The following ADGRV1 variants were observed in gnomAD, a reference collection of about 807,000 sequenced individuals.
The protein encoded by ADGRV1 is G-protein coupled receptor 98.
ADGRV1 carries 359 observed loss-of-function variants against 596.2 expected under a neutral mutation model. That is an observed-to-expected ratio of 0.60 (90% CI 0.55 to 0.66). The LOEUF is 0.66. Among genes scored for constraint, ADGRV1 ranks in the 30% least tolerant of loss-of-function variants. ADGRV1 has a pLI of 0.00. For missense variants in ADGRV1, 7,274 were observed against 7,575.6 expected, an observed-to-expected ratio of 0.96 and a Z score of 1.48; for synonymous variants, 2,681 against 2,679.2, an observed-to-expected ratio of 1.00 and a Z score of -0.02.
rs572925659 is a variant in ADGRV1, at chr5:90,725,838, A to G, written c.10161+182A>G. On this transcript the variant is annotated intron_variant, in intron 48 of 89. Coordinates refer to ENST00000405460, the MANE Select transcript of ADGRV1 (RefSeq NM_032119.4). ...AATTTTTAAATACCAGAGTCATAAA[A>G]TGTTATATTATCTTCAAGAGCCAAG... Among the ~76,000 whole-genome samples the G allele has an allele frequency of 1.5e-4, 23 of 152,318 alleles. 2 individuals carry two copies. In the South Asian group the frequency reaches 4.8e-3, roughly 32 times the overall value.
At chr5:90,990,293 C>G (rs1441038715) in intron 85 of ADGRV1, among the ~76,000 whole-genome samples, 1 of 152,150 alleles carries the variant, frequency 6.6e-6, no homozygotes, top group Non-Finnish European at 1.5e-5. Flanking sequence ...TTGGTAGACT[C>G]ACAACCCTTC....
rs1385324866 is a variant in ADGRV1, at chr5:90,700,062, TA to T, written c.8155+2917del. ...CTAAGCCTTTTCCTAGATTATAAAT[TA>T]TTTTTTTCAAAAACATATTAAGCCA... On this transcript the variant is annotated intron_variant, in intron 34 of 89. Transcript: ENST00000405460. Among the ~76,000 whole-genome samples the T allele has an allele frequency of 3.3e-5, 5 of 152,304 alleles. No individual in the cohort carries two copies. In the East Asian group the frequency reaches 9.6e-4, roughly 29 times the overall value.
At chr5:90,777,294 C>T (rs1029154424) in intron 61 of ADGRV1, among the ~76,000 whole-genome samples, 8 of 152,134 alleles carry the variant, frequency 5.3e-5, no homozygotes, top group Non-Finnish European at 1.2e-4. Flanking sequence ...TCAGTCACCT[C>T]CCACCAGGCC....
chr5:90,853,438 G>T lies in ADGRV1; in HGVS notation c.17359G>T (p.Ala5787Ser). ...GGATGTCCAGGATGCAGAAATAATG[G>T]CTGGGAAAAGTACATGTAAATTAGT... ...LLDVQDAEIM[A>S]GKSTCKLVQF... The change falls in exon 80 of 90, where the codon GCT (alanine) becomes TCT (serine). Residue 5787 changes from alanine to serine, a missense_variant. Ala to Ser is a moderately conservative substitution (Grantham distance 99). This residue lies in a region of ADGRV1 where 1,874 missense variants were observed against 1,970.2 expected (regional missense o/e 0.95). Transcript: ENST00000405460. 6.2e-7 allele frequency: 1 copy of T among 1,613,430 alleles called. No homozygotes were observed. Among genetic ancestry groups the T allele is most frequent in the Non-Finnish European group, 8.5e-7 (1 of 1,179,548 alleles).
chr5:90,582,637 T>G (rs569328812), intron 1 of ADGRV1, among the ~76,000 whole-genome samples: 83 of 152,322 alleles, frequency 5.4e-4, no homozygotes, highest in African/African-American at 2.0e-3. Flanking sequence ...TCATCATTGC[T>G]CACTGCAGCC....
chr5:90,640,536 C>T (rs928369924), intron 11 of ADGRV1, among the ~76,000 whole-genome samples: 7 of 152,054 alleles, frequency 4.6e-5, no homozygotes, highest in Non-Finnish European at 7.4e-5. Context: ...CAGGCACAGG[C>T]GCCTTGGAGG....
At chr5:90,714,624 G>C (rs144290205) in intron 42 of ADGRV1, among the ~76,000 whole-genome samples, 1 of 151,948 alleles carries the variant, frequency 6.6e-6, no homozygotes, top group African/African-American at 2.4e-5. Context: ...TTATTCATTG[G>C]TAGTGTGTGA....
At chr5:90,867,920 G>C (rs997448662) in intron 83 of ADGRV1, among the ~76,000 whole-genome samples, 2 of 152,140 alleles carry the variant, frequency 1.3e-5, no homozygotes, top group African/African-American at 4.8e-5. Context: ...AAGCGTTTAA[G>C]TACAAGGATC....
chr5:90,976,276 G>A (rs1218499151), intron 84 of ADGRV1, among the ~76,000 whole-genome samples: 6 of 140,588 alleles, frequency 4.3e-5, no homozygotes, highest in Admixed American at 7.3e-5. Context: ...ATATGTTTAC[G>A]TGTATCTGTA....
At chr5:90,648,530 A>G (rs575988961) in intron 17 of ADGRV1, among the ~76,000 whole-genome samples, 1 of 152,254 alleles carries the variant, frequency 6.6e-6, no homozygotes, top group East Asian at 1.9e-4. Context: ...GGTCACCATG[A>G]TGCCCTGTCT....
intron 83 of ADGRV1, among the ~76,000 whole-genome samples, chr5:90,887,007 A>G (rs2443068): frequency 0.26 from 39,143 of 152,054 alleles, 5,575 homozygotes; most frequent in Non-Finnish European, 0.31. Flanking sequence ...TCTCTCAACC[A>G]GTTTGCTCTC....
At chr5:90,829,444 A>C (rs1414898992) in intron 77 of ADGRV1, among the ~76,000 whole-genome samples, 1 of 152,160 alleles carries the variant, frequency 6.6e-6, no homozygotes, top group Non-Finnish European at 1.5e-5. Flanking sequence ...ATCTTACATA[A>C]ATCTGTTTTA....
At chr5:91,137,188 C>T (rs750402075) in intron 87 of ADGRV1, among the ~76,000 whole-genome samples, 3 of 151,996 alleles carry the variant, frequency 2.0e-5, no homozygotes, top group African/African-American at 4.8e-5. Context: ...TGGGCTCAAA[C>T]GATCCTCCTG....
chr5:91,012,718 T>A (rs1782825578), intron 85 of ADGRV1, among the ~76,000 whole-genome samples: 1 of 152,002 alleles, frequency 6.6e-6, no homozygotes, highest in Admixed American at 6.6e-5. Context: ...ATATATATGT[T>A]TTTAATTCCT....
chr5:90,719,141 C>A (rs1263816655), intron 43 of ADGRV1, among the ~76,000 whole-genome samples: 1 of 151,922 alleles, frequency 6.6e-6, no homozygotes, highest in Non-Finnish European at 1.5e-5. Flanking sequence ...ACCAGCCTGG[C>A]CAACATAGTG....
intron 29 of ADGRV1, among the ~76,000 whole-genome samples, chr5:90,688,548 G>A (rs1045350718): frequency 3.9e-5 from 6 of 152,070 alleles, no homozygotes; most frequent in African/African-American, 1.4e-4. Flanking sequence ...GTAGAGATGG[G>A]ATTTTACCAT....
At chr5:91,018,379 T>C (rs1783350078) in intron 85 of ADGRV1, among the ~76,000 whole-genome samples, 1 of 151,948 alleles carries the variant, frequency 6.6e-6, no homozygotes, top group African/African-American at 2.4e-5. Flanking sequence ...TTTGGTAAAC[T>C]GGATATGGGA....
At chr5:91,109,767 A>G (rs1479165082) in intron 87 of ADGRV1, among the ~76,000 whole-genome samples, 1 of 152,240 alleles carries the variant, frequency 6.6e-6, no homozygotes, top group Admixed American at 6.5e-5. Context: ...GGTCATGAAC[A>G]GCATCCAATA....
Position 90,689,929 on chromosome 5 carries a change from A to T in ADGRV1, c.6559A>T (p.Ile2187Leu). 1 of 1,613,202 alleles carries T rather than the reference A, an allele frequency of 6.2e-7. No homozygotes were observed. The highest frequency in any genetic ancestry group is 8.5e-7 in the Non-Finnish European group (1 of 1,179,488). ...LEGETSKAVP[I>L]YVINDIYPEL... is the part of the protein sequence containing the mutation. ...AGGGGAAACCAGTAAAGCCGTGCCA[A>T]TATATGTCATTAATGATATCTATCC... Residue 2187 changes from isoleucine to leucine, a missense_variant, in exon 30 of 90, where the codon ATA (isoleucine) becomes TTA (leucine). Physicochemically the swap from Ile to Leu is conservative, Grantham distance 5. Coordinates refer to ENST00000405460, the MANE Select transcript of ADGRV1 (RefSeq NM_032119.4).
Sources: allele counts gnomAD v4.1 joint callset (sites outside exome capture counted in the v4.1 genomes callset), GRCh38; gene constraint gnomAD v4.1.1; regional missense constraint gnomAD v4.1.1; transcripts MANE v1.5; gene names NCBI Gene and HGNC (gene_info 2026-07-23, HGNC 2026-07-21).